Variants in USP34 observed in about 807,000 individuals in gnomAD.
USP34 encodes ubiquitin carboxyl-terminal hydrolase 34.
A neutral mutation model predicts 460.3 loss-of-function variants in USP34; 70 were observed. That is an observed-to-expected ratio of 0.15 (90% CI 0.13 to 0.19). USP34 has a LOEUF of 0.19. Ranked by LOEUF, USP34 falls within the 10% of genes least tolerant of loss-of-function variation. USP34 has a pLI of 1.00. For synonymous variants in USP34, 1,647 were observed against 1,405.3 expected (o/e 1.17, Z -3.85); for missense variants, 3,985 against 4,236.2 (o/e 0.94, Z 1.65).
intron 67 of USP34, among the ~76,000 whole-genome samples, chr2:61,217,185 G>T (rs937036369): frequency 2.6e-5 from 4 of 152,060 alleles, no homozygotes; most frequent in Non-Finnish European, 5.9e-5. Flanking sequence ...TTTTCTTTAA[G>T]AACAGACAGG....
At position 61,470,544 on chromosome 2, in the gene USP34, G is replaced by A. The variant is rs993569457; in HGVS notation, c.43+106C>T. 2.2e-5 allele frequency: 15 copies of A among 682,080 alleles called. 1 individual carries two copies. The highest frequency in any genetic ancestry group is 1.4e-4 in the South Asian group (8 of 57,156). 42.3% of individuals were successfully genotyped at this position (682,080 alleles called of 1,614,324 possible). A position where few individuals can be genotyped will look rare whatever the true frequency, so the allele number is the denominator to read the frequency against. ...GGGGCGCTAGGCCCGCACGCCGCCC[G>A]GCCCGGCCGTCGCCTCCCGCAGGCC... On this transcript the variant is annotated intron_variant, in intron 1 of 79. Transcript: ENST00000398571.
chr2:61,257,051 C>G lies in USP34; in HGVS notation c.6048+1G>C. 6.4e-7 allele frequency: 1 copy of G among 1,558,068 alleles called. No individual in the cohort carries two copies. Among genetic ancestry groups the G allele is most frequent in the Non-Finnish European group, 8.7e-7 (1 of 1,155,592 alleles). On this transcript the variant is annotated splice_donor_variant, in intron 46 of 79. Coordinates refer to ENST00000398571, the MANE Select transcript of USP34 (RefSeq NM_014709.4). LOFTEE classifies it high-confidence loss of function. The stretch of plus-strand genomic sequence containing the variant: ...AAGTAAAAACCAGGTATAATACTTA[C>G]CAAGGATACAACATTGTTTGTAATT...
chr2:61,344,065 C>T (rs776055426), intron 15 of USP34, 36 bp from the exon 16 acceptor site: 12 of 1,588,974 alleles, frequency 7.6e-6, no homozygotes, highest in East Asian at 4.5e-5. Context: ...TTAGTAATTA[C>T]GAATGTGAAT....
At position 61,307,707 on chromosome 2, in the gene USP34, C is replaced by T. The variant is rs368713815; in HGVS notation, c.3817+3833G>A. Among the ~76,000 whole-genome samples the T allele has an allele frequency of 4.6e-5, 7 of 152,042 alleles. 1 individual carries two copies. In the East Asian group the frequency reaches 5.8e-4, roughly 13 times the overall value. On this transcript the variant is annotated intron_variant, in intron 27 of 79. Transcript: ENST00000398571. ...AAAAAAAGCTTGAGAAAATTTGTCA[C>T]CAGAAGACCGAGAGTACAAAGCTTT...
In USP34 at chr2:61,246,540, CT is replaced by C. The variant is rs962078691; in HGVS notation, c.6395-64del. On this transcript the variant is annotated intron_variant, in intron 49 of 79. Transcript: ENST00000398571. ...ACTTCACAACAGTTACTTAGAAACACTTTTTAAAATAAACTTTATCAATTAC... is the reference window on the plus strand; with the variant it reads ...ACTTCACAACAGTTACTTAGAAACACTTTTAAAATAAACTTTATCAATTAC... The C allele has an allele frequency of 4.5e-5, 50 of 1,121,282 alleles. 1 individual carries two copies. The highest frequency in any genetic ancestry group is 5.5e-5 in the Non-Finnish European group (47 of 855,296). The allele number at this position is 1,121,282 out of a possible 1,614,324, so 69.5% of individuals were successfully genotyped here. A position where few individuals can be genotyped will look rare whatever the true frequency, so the allele number is the denominator to read the frequency against.
chr2:61,280,215 T>C (rs192151872), intron 39 of USP34, 29 bp downstream of exon 39: 830 of 1,256,290 alleles, frequency 6.6e-4, no homozygotes, highest in Admixed American at 2.5e-3. Context: ...AGAGAATACA[T>C]AGAATAGTAT....
chr2:61,269,170 A>C (rs1689140496), intron 41 of USP34, among the ~76,000 whole-genome samples: 1 of 152,022 alleles, frequency 6.6e-6, no homozygotes, highest in South Asian at 2.1e-4. Context: ...AAATTTCAGA[A>C]AGGAGAGTTT....
chr2:61,329,916 C>G (rs557303166), intron 20 of USP34, among the ~76,000 whole-genome samples: 295 of 152,310 alleles, frequency 1.9e-3, no homozygotes, highest in Non-Finnish European at 3.5e-3. Flanking sequence ...GGCTTCCCAA[C>G]AGTACCATAC....
rs1294374324 is a variant in USP34 at position 61,319,215 on chromosome 2, A to G, written c.3126T>C (p.His1042=). ...GTTTGTAGGTTTCCATACCCATAGCATGTTGATCTTTACTTCGAACTTGAT... is the reference window on the plus strand; with the variant it reads ...GTTTGTAGGTTTCCATACCCATAGCGTGTTGATCTTTACTTCGAACTTGAT... ...FLNQVRSKDQ[H]AMGMETYKHL... The change falls in exon 22 of 80, where the codon CAT becomes CAC. Residue 1042 remains histidine, a synonymous_variant. Transcript: ENST00000398571. 2 of 1,589,194 alleles carry G rather than the reference A, an allele frequency of 1.3e-6. No homozygotes were observed. Among genetic ancestry groups the G allele is most frequent in the Non-Finnish European group, 1.7e-6 (2 of 1,172,742 alleles).
chr2:61,352,066 C>G (rs1558544639), intron 10 of USP34, among the ~76,000 whole-genome samples: 1 of 152,124 alleles, frequency 6.6e-6, no homozygotes, highest in African/African-American at 2.4e-5. Flanking sequence ...TTTGGAGTAT[C>G]TGCATTATAT....
intron 2 of USP34, among the ~76,000 whole-genome samples, chr2:61,409,617 G>A (rs1413221688): frequency 1.3e-5 from 2 of 152,256 alleles, no homozygotes; most frequent in East Asian, 1.9e-4. Flanking sequence ...AGGAGGCAGA[G>A]ACAGGAGAAT....
At chr2:61,311,106 A>G (rs949092661) in intron 27 of USP34, among the ~76,000 whole-genome samples, 22 of 152,092 alleles carry the variant, frequency 1.4e-4, no homozygotes, top group African/African-American at 5.1e-4. Context: ...TATGGTTTGA[A>G]TTTTTTTGTT....
intron 53 of USP34, among the ~76,000 whole-genome samples, chr2:61,236,788 G>C (rs551912017): frequency 6.6e-6 from 1 of 152,180 alleles, no homozygotes; most frequent in Non-Finnish European, 1.5e-5. Context: ...AATCAGACGT[G>C]ATTTGTTTAT....
At chr2:61,211,623 T>C (rs1330463079) in intron 69 of USP34, 149 bp downstream of exon 69, 2 of 868,800 alleles carry the variant, frequency 2.3e-6, no homozygotes, top group Non-Finnish European at 3.3e-6. Flanking sequence ...CAAAAACTGT[T>C]TAAAAGTAGT....
At chr2:61,390,598 GCTAGTTAAGAACTGCTGAAGTT>G (rs1693314061) in intron 5 of USP34, among the ~76,000 whole-genome samples, 1 of 152,224 alleles carries the variant, frequency 6.6e-6, no homozygotes, top group Admixed American at 6.5e-5. Flanking sequence ...AAAACTCAGA[GCTAGTTAAGAACTGCTGAAGTT>G]CTAGTTAAGA....
chr2:61,294,570 C>T (rs1689966105), intron 32 of USP34, among the ~76,000 whole-genome samples: 1 of 151,994 alleles, frequency 6.6e-6, no homozygotes, highest in Non-Finnish European at 1.5e-5. Flanking sequence ...GGGCAGCATG[C>T]TACCACACCC....
At chr2:61,265,821 C>T (rs1689029461) in intron 42 of USP34, 163 bp downstream of exon 42, 1 of 735,812 alleles carries the variant, frequency 1.4e-6, no homozygotes, top group Non-Finnish European at 1.9e-6. Context: ...ATAAAAAGGT[C>T]CTTCACATCA....
At chr2:61,294,446 C>G (rs889377261) in intron 32 of USP34, among the ~76,000 whole-genome samples, 1 of 151,340 alleles carries the variant, frequency 6.6e-6, no homozygotes, top group Non-Finnish European at 1.5e-5. Flanking sequence ...CTCACAGTAT[C>G]TTTTTTTTGC....
At chr2:61,238,984 T>G (rs1221066779) in intron 53 of USP34, among the ~76,000 whole-genome samples, 1 of 151,156 alleles carries the variant, frequency 6.6e-6, no homozygotes, top group Non-Finnish European at 1.5e-5. Flanking sequence ...TATTATTATA[T>G]ATTATATTAT....
Sources: allele counts gnomAD v4.1 joint callset (sites outside exome capture counted in the v4.1 genomes callset), GRCh38; gene constraint gnomAD v4.1.1; transcripts MANE v1.5; gene names NCBI Gene and HGNC (gene_info 2026-07-23, HGNC 2026-07-21).